The following TXNDC11 variants were observed in gnomAD, a reference collection of about 807,000 sequenced individuals.
The protein encoded by TXNDC11 is thioredoxin domain-containing protein 11.
In TXNDC11, 68 loss-of-function variants were observed where a neutral mutation model predicts 78.0. The observed-to-expected ratio is 0.87, with a 90% confidence interval of 0.72 to 1.07. The LOEUF (loss-of-function observed/expected upper bound fraction) is 1.07, where lower values mean the gene tolerates loss of function less well. TXNDC11 is among the 50% of genes least tolerant of loss of function. The pLI is 0.00. For missense variants in TXNDC11, 1,389 were observed against 1,221.8 expected (o/e 1.14, Z -2.04); for synonymous variants, 571 against 495.2 (o/e 1.15, Z -2.03).
chr16:11,734,166 T>G (rs531615876), intron 2 of TXNDC11, 87 bp from the exon 3 acceptor site: 5 of 850,616 alleles, frequency 5.9e-6, no homozygotes, highest in Non-Finnish European at 9.6e-6. Flanking sequence ...AAAAATAGAA[T>G]GATTCCTCTC....
intron 5 of TXNDC11, among the ~76,000 whole-genome samples, chr16:11,718,231 T>C (rs935774271): frequency 2.0e-5 from 3 of 151,940 alleles, no homozygotes; most frequent in Non-Finnish European, 4.4e-5. Context: ...AAAAAACAAA[T>C]GTAGAACTTT....
At chr16:11,738,953 G>A (rs2052312342) in intron 1 of TXNDC11, among the ~76,000 whole-genome samples, 1 of 152,138 alleles carries the variant, frequency 6.6e-6, no homozygotes, top group Non-Finnish European at 1.5e-5. Flanking sequence ...CTTGAACACG[G>A]GAGGCGGAGT....
intron 11 of TXNDC11, among the ~76,000 whole-genome samples, chr16:11,680,479 G>A (rs2050395605): frequency 6.6e-6 from 1 of 152,142 alleles, no homozygotes; most frequent in African/African-American, 2.4e-5. Context: ...CACAGAATAA[G>A]GAAGGAAGGT....
At position 11,679,846 on chromosome 16, in the gene TXNDC11, A is replaced by T. The variant is rs753080121; in HGVS notation, c.2235-9T>A. 3.1e-6 allele frequency: 5 copies of T among 1,600,854 alleles called. No individual in the cohort carries two copies. The African/African-American group carries it at 4.0e-5, about 13-fold the overall frequency. ...TCACACTTAGGTCCTTTCTGGAGAG[A>T]GAGGGAAAGGAAGCAAAGACAGGAG... On this transcript the variant is annotated splice_polypyrimidine_tract_variant and intron_variant, in intron 11 of 11. Coordinates refer to ENST00000283033, the MANE Select transcript of TXNDC11 (RefSeq NM_015914.7). This position sits in a 1 kb window ranked among gnomAD's most constrained non-coding sequence, Gnocchi z 4.6.
intron 10 of TXNDC11, 152 bp from the exon 11 acceptor site, chr16:11,684,397 C>G (rs1008105415): frequency 6.7e-6 from 4 of 596,364 alleles, no homozygotes; most frequent in African/African-American, 1.9e-5. Context: ...CAGGTGTGAG[C>G]TGGGCGCTGA....
rs79490230 is a variant in TXNDC11 at position 11,679,945 on chromosome 16, G to A, written c.2235-108C>T. On this transcript the variant is annotated intron_variant, in intron 11 of 11. Transcript: ENST00000283033. The surrounding 1 kb of genome is among the most constrained non-coding windows in gnomAD (Gnocchi z 4.6). ...CATCTACTTCTCACCAAGAAAAGAC[G>A]TTCCGTGGATTTTACTTACTGAAAG... The A allele has an allele frequency of 1.2e-3, 1,168 of 990,240 alleles. 16 individuals carry two copies. In the East Asian group the frequency reaches 0.024, roughly 20 times the overall value. 61.3% of individuals were successfully genotyped at this position (990,240 alleles called of 1,614,324 possible). A position where few individuals can be genotyped will look rare whatever the true frequency, so the allele number is the denominator to read the frequency against.
At chr16:11,727,242 G>T (rs768877791) in intron 4 of TXNDC11, among the ~76,000 whole-genome samples, 1 of 148,898 alleles carries the variant, frequency 6.7e-6, no homozygotes, top group Non-Finnish European at 1.5e-5. Context: ...TCCTACGCAA[G>T]AAATTTTTTT....
At position 11,687,726 on chromosome 16, in the gene TXNDC11, A is replaced by C. The variant is rs12920377; in HGVS notation, c.2153+131T>G. On this transcript the variant is annotated intron_variant, in intron 10 of 11. Coordinates refer to ENST00000283033, the MANE Select transcript of TXNDC11 (RefSeq NM_015914.7). ...GCTTTGCTCATGGCTTCAACCTGAC[A>C]ATTAAATTCAGCCAAGTCCTACCAA... 0.41 allele frequency: 261,043 copies of C among 637,606 alleles called. 58,706 individuals carry two copies. Among genetic ancestry groups the C allele is most frequent in the Non-Finnish European group, 0.48 (169,923 of 351,452 alleles). The allele number at this position is 637,606 out of a possible 1,614,324, so 39.5% of individuals were successfully genotyped here.
chr16:11,702,659 C>A (rs1253884924), intron 5 of TXNDC11, among the ~76,000 whole-genome samples: 1 of 152,200 alleles, frequency 6.6e-6, no homozygotes, highest in African/African-American at 2.4e-5. Flanking sequence ...GCCTGGGCAA[C>A]AGAGTGAGAC....
At chr16:11,703,454 C>T (rs1429103115) in intron 5 of TXNDC11, among the ~76,000 whole-genome samples, 1 of 151,592 alleles carries the variant, frequency 6.6e-6, no homozygotes, top group Non-Finnish European at 1.5e-5. Context: ...CTAAAATAAA[C>T]CCTGTGATGT....
rs1386411496 is a variant in TXNDC11, at chr16:11,679,529, T to C, written c.2543A>G (p.Gln848Arg). 1.7e-5 allele frequency: 28 copies of C among 1,613,434 alleles called. No individual in the cohort carries two copies. The highest frequency in any genetic ancestry group is 2.2e-5 in the Non-Finnish European group (26 of 1,180,018). Residue 848 changes from glutamine (Q) to arginine (R), a missense_variant, in exon 12 of 12, where the codon CAG becomes CGG. Gln to Arg is a conservative substitution (Grantham distance 43). Transcript: ENST00000283033. The surrounding 1 kb of genome is among the most constrained non-coding windows in gnomAD (Gnocchi z 4.6). ...LRQQQRALEE[Q>R]HSLLHAHSEQ... is the part of the protein sequence containing the mutation. ...ACTGTGTGCGTGGAGCAGGCTGTGC[T>C]GCTCTTCCAGGGCCCGCTGCTGCTG...
chr16:11,733,046 A>G (rs2052101060), intron 3 of TXNDC11, among the ~76,000 whole-genome samples: 1 of 152,102 alleles, frequency 6.6e-6, no homozygotes, highest in Admixed American at 6.6e-5. Flanking sequence ...ACTCTAGTAC[A>G]GCCTAGGTCG....
At chr16:11,711,949 C>G (rs2051374369) in intron 5 of TXNDC11, among the ~76,000 whole-genome samples, 1 of 152,156 alleles carries the variant, frequency 6.6e-6, no homozygotes, top group African/African-American at 2.4e-5. Flanking sequence ...TAAAAGGTGG[C>G]CAAGGACAGA....
intron 1 of TXNDC11, among the ~76,000 whole-genome samples, chr16:11,739,297 A>G (rs2052324174): frequency 6.6e-6 from 1 of 152,218 alleles, no homozygotes; most frequent in South Asian, 2.1e-4. Context: ...AACTATACAT[A>G]GAGCAAAGAT....
chr16:11,717,435 A>AC (rs952513394), intron 5 of TXNDC11, among the ~76,000 whole-genome samples: 2 of 50,208 alleles, frequency 4.0e-5, no homozygotes, highest in Non-Finnish European at 5.5e-5. Context: ...ACTCCAAATG[A>AC]AAAAAAAAAA....
chr16:11,736,974 C>A (rs1392361841), intron 1 of TXNDC11, among the ~76,000 whole-genome samples: 7 of 152,108 alleles, frequency 4.6e-5, no homozygotes, highest in Non-Finnish European at 1.0e-4. Flanking sequence ...GGCTGCATCC[C>A]ACCAAGTAGA....
chr16:11,693,465 G>A (rs2050775698), intron 7 of TXNDC11, among the ~76,000 whole-genome samples: 1 of 152,130 alleles, frequency 6.6e-6, no homozygotes, highest in Non-Finnish European at 1.5e-5. Context: ...CGCTGTGTGT[G>A]TGTGTGTGTC....
At chr16:11,732,802 C>A (rs537019783) in intron 3 of TXNDC11, among the ~76,000 whole-genome samples, 2 of 152,176 alleles carry the variant, frequency 1.3e-5, no homozygotes, top group East Asian at 3.9e-4. Context: ...GACAGAGAAC[C>A]CACAAATCAC....
intron 8 of TXNDC11, among the ~76,000 whole-genome samples, chr16:11,689,483 A>G (rs2050653734): frequency 6.6e-6 from 1 of 152,206 alleles, no homozygotes; most frequent in Non-Finnish European, 1.5e-5. Flanking sequence ...GAGACAGCTG[A>G]TTTATGAGTT....
Sources: allele counts gnomAD v4.1 joint callset (sites outside exome capture counted in the v4.1 genomes callset), GRCh38; gene constraint gnomAD v4.1.1; non-coding constraint Gnocchi (gnomAD v3.1); transcripts MANE v1.5; gene names NCBI Gene and HGNC (gene_info 2026-07-23, HGNC 2026-07-21).